Variants in ETV5 observed in about 807,000 individuals in gnomAD.
ETV5 encodes ETS variant transcription factor 5, also known as ETS translocation variant 5.
In ETV5, 10 loss-of-function variants were observed where a neutral mutation model predicts 70.0. The ratio of observed to expected loss-of-function variants is 0.14; its 90% CI spans 0.09 to 0.24. ETV5 has a LOEUF of 0.24. Among genes scored for constraint, ETV5 ranks in the 10% least tolerant of loss-of-function variants. The pLI, the probability that ETV5 is intolerant of heterozygous loss-of-function variation, is 1.00. For missense variants in ETV5, 453 were observed against 651.2 expected (o/e 0.70, Z 3.31); for synonymous variants, 216 against 242.2 (o/e 0.89, Z 1.01).
chr3:186,049,118 T>G (rs77253834), intron 12 of ETV5, among the ~76,000 whole-genome samples: 4 of 152,130 alleles, frequency 2.6e-5, no homozygotes, highest in Non-Finnish European at 5.9e-5. Flanking sequence ...CTTCACTTTC[T>G]GTCTTCCAGT....
intron 12 of ETV5, among the ~76,000 whole-genome samples, chr3:186,049,377 A>ACCG (rs1418918907): frequency 1.3e-5 from 2 of 152,206 alleles, no homozygotes; most frequent in Non-Finnish European, 2.9e-5. Flanking sequence ...TAAATGACTC[A>ACCG]CCGCATGGCT....
At chr3:186,049,104 A>C (rs571258246) in intron 12 of ETV5, among the ~76,000 whole-genome samples, 3 of 152,298 alleles carry the variant, frequency 2.0e-5, no homozygotes, top group African/African-American at 7.2e-5. Flanking sequence ...TCTTAAAAGA[A>C]AATCTTCACT....
intron 9 of ETV5, among the ~76,000 whole-genome samples, chr3:186,063,633 G>A (rs1441180338): frequency 6.6e-6 from 1 of 152,188 alleles, no homozygotes; most frequent in Non-Finnish European, 1.5e-5. Flanking sequence ...AGGCTTGTGG[G>A]TAAACTGCTT....
chr3:186,073,919 T>C (rs1713707444), intron 7 of ETV5, among the ~76,000 whole-genome samples: 1 of 151,936 alleles, frequency 6.6e-6, no homozygotes, highest in Non-Finnish European at 1.5e-5. Context: ...TTACATATTA[T>C]AAAGAAAAAG....
chr3:186,106,308 T>A (rs1049898880), intron 1 of ETV5, among the ~76,000 whole-genome samples: 2 of 152,204 alleles, frequency 1.3e-5, no homozygotes, highest in African/African-American at 2.4e-5. Context: ...GTAGGGTTTT[T>A]AAAAAAGAGA....
intron 7 of ETV5, chr3:186,076,606 G>A (rs1281273900): frequency 5.4e-6 from 1 of 185,062 alleles, no homozygotes; most frequent in Non-Finnish European, 1.1e-5. Flanking sequence ...GTGTACTTTT[G>A]ACTAGATTAC....
chr3:186,073,046 C>T (rs377734731), intron 7 of ETV5, among the ~76,000 whole-genome samples: 3 of 152,082 alleles, frequency 2.0e-5, no homozygotes, highest in African/African-American at 7.2e-5. Context: ...GCAGGAGAAT[C>T]GTTTGAACTC....
rs1438063356 is a variant in ETV5 at position 186,079,977 on chromosome 3, G to A, written c.490C>T (p.Pro164Ser). 4 of 1,593,010 alleles carry A rather than the reference G, an allele frequency of 2.5e-6. No homozygotes were observed. Among genetic ancestry groups the A allele is most frequent in the South Asian group, 2.3e-5 (2 of 86,488 alleles). ...ACACCTTGAACTGGGCCAGCTGCAG[G>A]GGCATGCCCTGAGGTGGGCAGAGTT... is the stretch of plus-strand genomic sequence containing the variant. ...QATLPTSGHA[P>S]AAGPVQGVGP... Residue 164 changes from proline (P) to serine (S), a missense_variant, in exon 7 of 13, where the codon CCT becomes TCT. Pro to Ser is a moderately conservative substitution (Grantham distance 74). Around this residue, in one of 4 missense-constraint regions of ETV5, gnomAD observed 307 missense variants for 344.9 expected, o/e 0.89. Transcript: ENST00000306376.
intron 5 of ETV5, among the ~76,000 whole-genome samples, chr3:186,099,041 C>G (rs149899574): frequency 3.3e-5 from 5 of 152,214 alleles, no homozygotes; most frequent in African/African-American, 1.2e-4. Context: ...CAATTTTCCC[C>G]TAGATGCTTC....
intron 5 of ETV5, among the ~76,000 whole-genome samples, chr3:186,083,531 C>T (rs546723451): frequency 2.0e-4 from 31 of 152,242 alleles, no homozygotes; most frequent in African/African-American, 7.0e-4. Flanking sequence ...AGGAACTGCA[C>T]GTATCTAAAA....
intron 5 of ETV5, among the ~76,000 whole-genome samples, chr3:186,092,592 G>A (rs1040126816): frequency 1.2e-4 from 18 of 151,732 alleles, no homozygotes; most frequent in Admixed American, 9.2e-4. Flanking sequence ...GCCACCACAC[G>A]CAGCTACATT....
chr3:186,091,283 T>C (rs747910227), intron 5 of ETV5, among the ~76,000 whole-genome samples: 1 of 152,178 alleles, frequency 6.6e-6, no homozygotes, highest in Non-Finnish European at 1.5e-5. Flanking sequence ...TTCAGGACTT[T>C]AGATTAGCAA....
At chr3:186,107,003 A>C in intron 1 of ETV5, 3 of 956,404 alleles carry the variant, frequency 3.1e-6, no homozygotes, top group Non-Finnish European at 3.7e-6. Flanking sequence ...TGACATATAC[A>C]CAATTTTAAA....
At chr3:186,067,972 A>G (rs960626844) in intron 7 of ETV5, among the ~76,000 whole-genome samples, 3 of 152,274 alleles carry the variant, frequency 2.0e-5, no homozygotes, top group Non-Finnish European at 4.4e-5. Context: ...GGACATAAAC[A>G]GGAATATCCT....
intron 5 of ETV5, among the ~76,000 whole-genome samples, chr3:186,087,662 A>AT (rs1714089382): frequency 6.6e-6 from 1 of 152,182 alleles, no homozygotes. Flanking sequence ...AGAAATAATA[A>AT]TTCCCTCTGC....
At chr3:186,081,228 A>G in intron 5 of ETV5, 53 bp from the exon 6 acceptor site, 4 of 1,543,980 alleles carry the variant, frequency 2.6e-6, no homozygotes, top group Non-Finnish European at 3.5e-6. Context: ...GCTGATTAAC[A>G]GGGAGCACAA....
intron 8 of ETV5, among the ~76,000 whole-genome samples, chr3:186,065,554 G>T (rs1713420224): frequency 6.6e-6 from 1 of 152,152 alleles, no homozygotes. Context: ...CTTGGACTCA[G>T]AGATGTACTT....
At chr3:186,060,518 C>T (rs1049469547) in intron 9 of ETV5, among the ~76,000 whole-genome samples, 1 of 152,198 alleles carries the variant, frequency 6.6e-6, no homozygotes, top group African/African-American at 2.4e-5. Flanking sequence ...AGACTCAAAA[C>T]ATTATGCAAG....
intron 5 of ETV5, chr3:186,084,176 C>G (rs915020285): frequency 2.3e-6 from 1 of 441,180 alleles, no homozygotes; most frequent in Admixed American, 2.6e-5. Flanking sequence ...TACCTTTGCA[C>G]AGCTGACTTG....
Sources: gnomAD v4.1 joint callset for allele counts (sites outside exome capture counted in the v4.1 genomes callset) on GRCh38, gnomAD v4.1.1 for gene constraint, gnomAD v4.1.1 regional missense constraint, MANE v1.5 for transcripts, NCBI Gene and HGNC (gene_info 2026-07-23, HGNC 2026-07-21) for gene names.